The following CACNA1B variants were observed in gnomAD, a reference collection of about 807,000 sequenced individuals.
CACNA1B encodes the protein calcium voltage-gated channel subunit alpha1 B.
CACNA1B carries 70 observed loss-of-function variants against 247.2 expected under a neutral mutation model. That is an observed-to-expected ratio of 0.28 (90% CI 0.23 to 0.35). CACNA1B has a LOEUF of 0.35. CACNA1B is among the 10% of genes least tolerant of loss of function. The probability of loss-of-function intolerance (pLI) is 1.00; values close to 1 mark genes in which losing one functional copy is unlikely to be tolerated. For missense variants in CACNA1B, 2,367 were observed against 3,197.4 expected, an observed-to-expected ratio of 0.74 and a Z score of 6.26; for synonymous variants, 1,231 against 1,294.4, an observed-to-expected ratio of 0.95 and a Z score of 1.05.
rs1438520326 is a variant in CACNA1B at position 138,052,171 on chromosome 9, C to T, written c.3790C>T (p.Arg1264Trp). The change falls in exon 25 of 47, where the codon CGG (arginine) becomes TGG (tryptophan). Residue 1264 changes from arginine to tryptophan, a missense_variant. Physicochemically the swap from Arg to Trp is moderately radical, Grantham distance 101 (BLOSUM62 -3). Coordinates refer to ENST00000371372, the MANE Select transcript of CACNA1B (RefSeq NM_000718.4). This position sits in a 1 kb window ranked among gnomAD's most constrained non-coding sequence, Gnocchi z 5.1. ...CCTGCGGCCCCTCAAGACCATCAAA[C>T]GGCTGCCCAAGCTCAAGGTTAGAGC... Reference protein sequence around the residue: ...RVLRPLKTIKRLPKLKAVFDC... With the variant: ...RVLRPLKTIKWLPKLKAVFDC... The T allele has an allele frequency of 5.0e-6, 8 of 1,607,946 alleles. No homozygotes were observed. Among genetic ancestry groups the T allele is most frequent in the African/African-American group, 2.7e-5 (2 of 74,772 alleles).
In CACNA1B at chr9:137,955,587, G is replaced by A. The variant is rs1445980409; in HGVS notation, c.1071-111G>A. On this transcript the variant is annotated intron_variant, in intron 7 of 46. Coordinates refer to ENST00000371372, the MANE Select transcript of CACNA1B (RefSeq NM_000718.4). This position sits in a 1 kb window ranked among gnomAD's most constrained non-coding sequence, Gnocchi z 6.9. Reference sequence around the variant, plus strand: ...AGGGGCCTGCCTGAAGCAGCAGCCTGCAGCCTGCGTCTCCTGTCCCAGGCT... The same window carrying A: ...AGGGGCCTGCCTGAAGCAGCAGCCTACAGCCTGCGTCTCCTGTCCCAGGCT... 7.0e-6 allele frequency: 5 copies of A among 715,056 alleles called. No homozygotes were observed. Among genetic ancestry groups the A allele is most frequent in the African/African-American group, 1.8e-5 (1 of 55,748 alleles). The allele number at this position is 715,056 out of a possible 1,614,324, so 44.3% of individuals were successfully genotyped here. A position where few individuals can be genotyped will look rare whatever the true frequency, so the allele number is the denominator to read the frequency against.
At chr9:138,080,656 G>A (rs1332965861) in intron 36 of CACNA1B, among the ~76,000 whole-genome samples, 1 of 152,200 alleles carries the variant, frequency 6.6e-6, no homozygotes, top group African/African-American at 2.4e-5. Flanking sequence ...CAGGTGCTAA[G>A]TTTTTCATGA....
intron 36 of CACNA1B, among the ~76,000 whole-genome samples, chr9:138,081,401 C>T (rs1259524553): frequency 6.6e-6 from 1 of 152,244 alleles, no homozygotes; most frequent in Non-Finnish European, 1.5e-5. Context: ...ATCCTTCTGG[C>T]ACTTCCCTCA....
intron 6 of CACNA1B, among the ~76,000 whole-genome samples, chr9:137,923,383 C>T (rs567581870): frequency 3.2e-4 from 48 of 149,080 alleles, no homozygotes; most frequent in African/African-American, 1.1e-3. Flanking sequence ...TTCCGTGGCA[C>T]CAGGTGGTAT....
chr9:137,969,083 C>T (rs889397745), intron 10 of CACNA1B, among the ~76,000 whole-genome samples: 3 of 152,178 alleles, frequency 2.0e-5, no homozygotes, highest in Non-Finnish European at 4.4e-5. Context: ...GCTTGCTGTC[C>T]TTAGGGACCT....
chr9:138,010,758 A>G lies in CACNA1B; in HGVS notation c.2160+681A>G, dbSNP rs988316162. Among the ~76,000 whole-genome samples, 1 of 151,816 alleles carries G rather than the reference A, an allele frequency of 6.6e-6. No individual in the cohort carries two copies. The highest frequency in any genetic ancestry group is 2.4e-5 in the African/African-American group (1 of 41,302). The stretch of plus-strand genomic sequence containing the variant: ...ACTGTGTGCCCTCTTCTGCCTGTGC[A>G]CCATCCCTGGACAGGTGTCTGCATG... On this transcript the variant is annotated intron_variant, in intron 17 of 46. Transcript: ENST00000371372. This position sits in a 1 kb window ranked among gnomAD's most constrained non-coding sequence, Gnocchi z 5.3.
intron 20 of CACNA1B, among the ~76,000 whole-genome samples, chr9:138,033,564 G>T (rs1025161617): frequency 1.3e-5 from 2 of 152,144 alleles, no homozygotes; most frequent in Non-Finnish European, 2.9e-5. Context: ...AAGTAGTGGG[G>T]CATATTAGTC....
chr9:137,981,299 G>A (rs888087465), intron 12 of CACNA1B, among the ~76,000 whole-genome samples: 5 of 152,010 alleles, frequency 3.3e-5, no homozygotes, highest in Admixed American at 3.3e-4. Flanking sequence ...GTTGAGATCT[G>A]GAGAGGCTAA....
chr9:138,049,218 T>C lies in CACNA1B; in HGVS notation c.3613T>C (p.Leu1205=), dbSNP rs778931692. ...TGTTTCTCCCTCCTAGATGATCGACTTGGGACTGCTGCTTCACCCTGGAGC... is the reference window on the plus strand; with the variant it reads ...TGTTTCTCCCTCCTAGATGATCGACCTGGGACTGCTGCTTCACCCTGGAGC... ...TFEMVIKMID[L]GLLLHPGAYF... is the part of the protein sequence containing the mutation. Residue 1205 remains leucine (L), a synonymous_variant, in exon 24 of 47, where the codon TTG becomes CTG. Coordinates refer to ENST00000371372, the MANE Select transcript of CACNA1B (RefSeq NM_000718.4). 1 of 1,609,198 alleles carries C rather than the reference T, an allele frequency of 6.2e-7. No individual in the cohort carries two copies. The highest frequency in any genetic ancestry group is 1.1e-5 in the South Asian group (1 of 90,998).
intron 16 of CACNA1B, among the ~76,000 whole-genome samples, chr9:138,009,256 C>T (rs1346298198): frequency 6.6e-6 from 1 of 152,232 alleles, no homozygotes; most frequent in African/African-American, 2.4e-5. Context: ...GGTGGGGCAG[C>T]ACCTCACACT....
At position 138,121,400 on chromosome 9, in the gene CACNA1B, T is replaced by G; in HGVS notation, c.6490-69T>G. The G allele has an allele frequency of 8.0e-7, 1 of 1,257,190 alleles. No individual in the cohort carries two copies. The highest frequency in any genetic ancestry group is 1.1e-6 in the Non-Finnish European group (1 of 921,924). The allele number at this position is 1,257,190 out of a possible 1,614,324, so 77.9% of individuals were successfully genotyped here. A position where few individuals can be genotyped will look rare whatever the true frequency, so the allele number is the denominator to read the frequency against. On this transcript the variant is annotated intron_variant, in intron 46 of 46. Transcript: ENST00000371372. The surrounding 1 kb of genome is among the most constrained non-coding windows in gnomAD (Gnocchi z 6.8). ...CCCCAGGCACCTGTGTGTGATGTGC[T>G]CTGTCTGTTGGTTCGGCTTTTTTTT...
rs748771667 is a variant in CACNA1B at position 138,115,544 on chromosome 9, C to T, written c.5650-8C>T. The T allele has an allele frequency of 1.2e-6, 2 of 1,611,364 alleles. No individual in the cohort carries two copies. Among genetic ancestry groups the T allele is most frequent in the African/African-American group, 2.7e-5 (2 of 74,860 alleles). On this transcript the variant is annotated splice_region_variant and splice_polypyrimidine_tract_variant and intron_variant, in intron 41 of 46. Transcript: ENST00000371372. ...GAGCTCTTTCCCTTCCCTTTGCCTC[C>T]TTTGCAGATGGGTCCTGTGTCCCTG...
At chr9:138,065,930 T>TA (rs1959900278) in intron 31 of CACNA1B, among the ~76,000 whole-genome samples, 1 of 152,108 alleles carries the variant, frequency 6.6e-6, no homozygotes, top group African/African-American at 2.4e-5. Flanking sequence ...TCACCTCACT[T>TA]ACCACCCACC....
intron 6 of CACNA1B, among the ~76,000 whole-genome samples, chr9:137,934,125 G>A (rs1466421414): frequency 6.6e-6 from 1 of 152,204 alleles, no homozygotes; most frequent in Non-Finnish European, 1.5e-5. Context: ...AGGAAAGTTG[G>A]TAGGCATTTA....
At chr9:137,949,678 G>A (rs1335973441) in intron 6 of CACNA1B, among the ~76,000 whole-genome samples, 1 of 152,038 alleles carries the variant, frequency 6.6e-6, no homozygotes, top group Non-Finnish European at 1.5e-5. Context: ...TCCCGATGGC[G>A]GTGGCCGGCA....
rs1564255349 is a variant in CACNA1B, at chr9:138,043,915, C to T, written c.3413+15C>T. Reference sequence around the variant, plus strand: ...CCCACCAACCTGTGAGTCTCCTTGCCTGCTGGTGTGTGTGGCCGCCCACTC... The same window carrying T: ...CCCACCAACCTGTGAGTCTCCTTGCTTGCTGGTGTGTGTGGCCGCCCACTC... On this transcript the variant is annotated intron_variant, in intron 21 of 46. Transcript: ENST00000371372. The T allele has an allele frequency of 1.9e-6, 3 of 1,610,916 alleles. No homozygotes were observed. Among genetic ancestry groups the T allele is most frequent in the Non-Finnish European group, 2.5e-6 (3 of 1,177,414 alleles).
intron 6 of CACNA1B, among the ~76,000 whole-genome samples, chr9:137,935,067 A>G (rs1957649663): frequency 6.6e-6 from 1 of 152,212 alleles, no homozygotes; most frequent in Non-Finnish European, 1.5e-5. Context: ...CAATTTAAGG[A>G]AGTCAAAAAA....
chr9:138,078,943 C>G (rs764039889), intron 36 of CACNA1B, among the ~76,000 whole-genome samples: 1 of 152,106 alleles, frequency 6.6e-6, no homozygotes, highest in Non-Finnish European at 1.5e-5. Context: ...GATGGGAGTA[C>G]TGGGGAGCTG....
chr9:137,897,654 G>A (rs1327945580), intron 3 of CACNA1B, among the ~76,000 whole-genome samples: 2 of 152,048 alleles, frequency 1.3e-5, no homozygotes, highest in Admixed American at 1.3e-4. Context: ...TTAATATGTT[G>A]TATTTTCGAT....
Sources: allele counts gnomAD v4.1 joint callset (sites outside exome capture counted in the v4.1 genomes callset), GRCh38; gene constraint gnomAD v4.1.1; non-coding constraint Gnocchi (gnomAD v3.1); transcripts MANE v1.5; gene names NCBI Gene and HGNC (gene_info 2026-07-23, HGNC 2026-07-21).